The following DOP1A variants were observed in gnomAD, a reference collection of about 807,000 sequenced individuals.
DOP1A encodes protein DOP1A.
A neutral mutation model predicts 267.6 loss-of-function variants in DOP1A; 90 were observed. That is an observed-to-expected ratio of 0.34 (90% CI 0.28 to 0.40). The LOEUF is 0.40. Ranked by LOEUF, DOP1A falls within the 10% of genes least tolerant of loss-of-function variation. The pLI is 1.00. For synonymous variants in DOP1A, 932 were observed against 999.1 expected (o/e 0.93, Z 1.27); for missense variants, 2,437 against 2,900.4 (o/e 0.84, Z 3.67).
intron 38 of DOP1A, 64 bp from the exon 39 acceptor site, chr6:83,167,798 T>C (rs528496232): frequency 6.7e-7 from 1 of 1,491,644 alleles, no homozygotes; most frequent in Admixed American, 2.5e-5. Context: ...TATATATTTT[T>C]AATTTTTCTA....
intron 38 of DOP1A, chr6:83,164,650 C>G: frequency 6.4e-7 from 1 of 1,565,050 alleles, no homozygotes; most frequent in Non-Finnish European, 8.7e-7. Context: ...TCTCCTCTTT[C>G]CTTCCACAGG....
chr6:83,121,413 G>A (rs1750057), intron 10 of DOP1A, among the ~76,000 whole-genome samples: 52,379 of 151,304 alleles, frequency 0.35, 10,498 homozygotes, highest in African/African-American at 0.56. Flanking sequence ...AGCTGTTATG[G>A]TAACAGATGA....
Position 83,129,271 on chromosome 6 carries a change from T to C in DOP1A, c.2104T>C (p.Ser702Pro). ...YIIQNNSFSQ[S>P]LATEHQGDLG... Reference sequence around the variant, plus strand: ...CATTCAGAATAACTCTTTTTCTCAGTCTTTGGCTACAGAACATCAAGGGGA... The same window carrying C: ...CATTCAGAATAACTCTTTTTCTCAGCCTTTGGCTACAGAACATCAAGGGGA... The change falls in exon 16 of 39, where the codon TCT (serine) becomes CCT (proline). Residue 702 changes from serine to proline, a missense_variant. Physicochemically the swap from Ser to Pro is moderately conservative, Grantham distance 74. This residue lies in a region of DOP1A where 498 missense variants were observed against 513.5 expected (regional missense o/e 0.97). Transcript: ENST00000349129. 6.2e-7 allele frequency: 1 copy of C among 1,612,070 alleles called. No homozygotes were observed. The highest frequency in any genetic ancestry group is 2.2e-5 in the East Asian group (1 of 44,880).
intron 17 of DOP1A, 66 bp from the exon 18 acceptor site, chr6:83,132,110 A>G: frequency 6.4e-7 from 1 of 1,552,966 alleles, no homozygotes; most frequent in Non-Finnish European, 8.8e-7. Context: ...TTTGTACCTA[A>G]TAGGAAATAT....
Position 83,168,111 on chromosome 6 carries a change from C to A in DOP1A, c.7342C>A (p.Gln2448Lys). Residue 2448 changes from glutamine to lysine, a missense_variant, in exon 39 of 39, where the codon CAA becomes AAA. Gln to Lys is a moderately conservative substitution (Grantham distance 53, BLOSUM62 1). Transcript: ENST00000349129. ...NHKPCSSKAR[Q>K]KIEEMVEKDF... ...CAAACCATGTTCCAGCAAAGCCAGG[C>A]AAAAAATAGAAGAGATGGTAGAAAA... is the stretch of plus-strand genomic sequence containing the variant. 6.2e-7 allele frequency: 1 copy of A among 1,608,770 alleles called. No individual in the cohort carries two copies. Among genetic ancestry groups the A allele is most frequent in the South Asian group, 1.1e-5 (1 of 90,004 alleles).
intron 4 of DOP1A, among the ~76,000 whole-genome samples, chr6:83,102,180 ACT>A (rs1433005956): frequency 5.9e-5 from 9 of 152,224 alleles, no homozygotes; most frequent in Non-Finnish European, 1.3e-4. Flanking sequence ...CCTGCAATGT[ACT>A]GTATTAAAGC....
At chr6:83,166,323 A>C (rs941424024) in intron 38 of DOP1A, 1 of 659,916 alleles carries the variant, frequency 1.5e-6, no homozygotes, top group Non-Finnish European at 2.7e-6. Context: ...TCAATTTCCG[A>C]TGACTGGCCA....
At position 83,156,061 on chromosome 6, in the gene DOP1A, A is replaced by G; in HGVS notation, c.6562A>G (p.Ser2188Gly). ...LKRLAFAIFS[S>G]EIDQYQKYLP... ...AAGATTAGCATTTGCTATTTTTAGC[A>G]GTGAAATTGACCAGTACCAGAAATA... is the stretch of plus-strand genomic sequence containing the variant. Residue 2188 changes from serine to glycine, a missense_variant, in exon 34 of 39, where the codon AGT becomes GGT. Ser to Gly is a moderately conservative substitution (Grantham distance 56). Around this residue, in one of 9 missense-constraint regions of DOP1A, gnomAD observed 75 missense variants for 149.6 expected, o/e 0.50. Coordinates refer to ENST00000349129, the MANE Select transcript of DOP1A (RefSeq NM_015018.4). The G allele has an allele frequency of 6.2e-7, 1 of 1,614,008 alleles. No individual in the cohort carries two copies. Among genetic ancestry groups the G allele is most frequent in the Non-Finnish European group, 8.5e-7 (1 of 1,179,932 alleles).
At chr6:83,094,131 T>C (rs1771010173) in intron 1 of DOP1A, among the ~76,000 whole-genome samples, 1 of 152,200 alleles carries the variant, frequency 6.6e-6, no homozygotes, top group Non-Finnish European at 1.5e-5. Context: ...TATAGATTTT[T>C]CTATTCCTGT....
intron 3 of DOP1A, among the ~76,000 whole-genome samples, chr6:83,098,062 T>C (rs891620338): frequency 6.6e-6 from 1 of 151,824 alleles, no homozygotes; most frequent in African/African-American, 2.4e-5. Flanking sequence ...GGCTAGTTAT[T>C]TTTTTAGAGA....
chr6:83,170,611 G>A, downstream of DOP1A: 1 of 709,890 alleles, frequency 1.4e-6, no homozygotes, highest in Non-Finnish European at 2.3e-6. Context: ...CCAAGGTCAG[G>A]GTAATTAATT....
chr6:83,111,204 C>T (rs1193248038), intron 6 of DOP1A, among the ~76,000 whole-genome samples: 2 of 152,102 alleles, frequency 1.3e-5, no homozygotes, highest in Non-Finnish European at 2.9e-5. Flanking sequence ...CCCACCTCAG[C>T]ATCCCAAGGT....
chr6:83,088,525 C>T (rs1232120509), intron 1 of DOP1A, among the ~76,000 whole-genome samples: 3 of 149,304 alleles, frequency 2.0e-5, no homozygotes, highest in South Asian at 2.1e-4. Flanking sequence ...GAGGTTCAAG[C>T]GATTCTCCTG....
At position 83,067,897 on chromosome 6, in the gene DOP1A, G is replaced by T. The variant is rs545496849; in HGVS notation, c.-147+118G>T. 4 of 152,578 alleles carry T rather than the reference G, an allele frequency of 2.6e-5. No homozygotes were observed. The South Asian group carries it at 8.3e-4, about 32-fold the overall frequency. 9.5% of individuals were successfully genotyped at this position (152,578 alleles called of 1,614,324 possible). ...GCCTTGCGAGTCTGACTGCTGTGGCGTCGGGGGTGTTGCCGCTCCGGCCCC... is the reference window on the plus strand; with the variant it reads ...GCCTTGCGAGTCTGACTGCTGTGGCTTCGGGGGTGTTGCCGCTCCGGCCCC... On this transcript the variant is annotated intron_variant, in intron 1 of 38. Transcript: ENST00000349129.
chr6:83,078,773 T>A (rs1334963387), intron 1 of DOP1A, among the ~76,000 whole-genome samples: 2 of 152,238 alleles, frequency 1.3e-5, no homozygotes, highest in African/African-American at 2.4e-5. Context: ...AGAGATTTTT[T>A]ACAATAATTA....
chr6:83,080,385 A>T lies in DOP1A; in HGVS notation c.-147+12606A>T, dbSNP rs187391648. Among the ~76,000 whole-genome samples, 63 of 152,336 alleles carry T rather than the reference A, an allele frequency of 4.1e-4. 1 individual carries two copies. In the East Asian group the frequency reaches 9.6e-3, roughly 23 times the overall value. Reference sequence around the variant, plus strand: ...AGTGATGTTCACAGGTTTCATCAAAATAAGGAAAACTTCCTTGATATATTT... The same window carrying T: ...AGTGATGTTCACAGGTTTCATCAAATTAAGGAAAACTTCCTTGATATATTT... On this transcript the variant is annotated intron_variant, in intron 1 of 38. Coordinates refer to ENST00000349129, the MANE Select transcript of DOP1A (RefSeq NM_015018.4).
rs748272842 is a variant in DOP1A at position 83,130,134 on chromosome 6, G to A, written c.2353G>A (p.Val785Met). The part of the protein sequence containing the change: ...SEKLETDCEH[V>M]QPPQWLQTLM... ...ATCTTTTGTTTCAGACTGTGAGCAT[G>A]TGCAGCCTCCACAGTGGCTCCAGAC... Residue 785 changes from valine (V) to methionine (M), a missense_variant, in exon 17 of 39, where the codon GTG (valine) becomes ATG (methionine). Around this residue, in one of 9 missense-constraint regions of DOP1A, gnomAD observed 878 missense variants for 992.9 expected, o/e 0.88. Transcript: ENST00000349129. The A allele has an allele frequency of 6.2e-7, 1 of 1,613,790 alleles. No homozygotes were observed. Among genetic ancestry groups the A allele is most frequent in the Non-Finnish European group, 8.5e-7 (1 of 1,179,816 alleles).
At chr6:83,081,031 A>C (rs1408399694) in intron 1 of DOP1A, among the ~76,000 whole-genome samples, 3 of 152,228 alleles carry the variant, frequency 2.0e-5, no homozygotes, top group Non-Finnish European at 4.4e-5. Flanking sequence ...AACCAAAATA[A>C]CATGGAACTG....
chr6:83,168,489 G>A, downstream of DOP1A: 1 of 1,024,050 alleles, frequency 9.8e-7, no homozygotes, highest in Non-Finnish European at 1.2e-6. Context: ...TTCAGACTTG[G>A]TTCAATTAAG....
Sources: allele counts gnomAD v4.1 joint callset (sites outside exome capture counted in the v4.1 genomes callset), GRCh38; gene constraint gnomAD v4.1.1; regional missense constraint gnomAD v4.1.1; transcripts MANE v1.5; gene names NCBI Gene and HGNC (gene_info 2026-07-23, HGNC 2026-07-21).